KRTAP19-8: variants seen among roughly 807,000 people sequenced by gnomAD.
The protein encoded by KRTAP19-8 is keratin associated protein 19-8.
KRTAP19-8 carries 1 observed loss-of-function variant against 0.3 expected under a neutral mutation model. The observed-to-expected ratio is 3.43, with a 90% CI of 1.22 to 16.29. The LOEUF is 16.29. Among genes scored for constraint, KRTAP19-8 ranks in the 30% most tolerant of loss-of-function variants. The probability of loss-of-function intolerance (pLI) is 0.12; values close to 1 mark genes in which losing one functional copy is unlikely to be tolerated. For missense variants in KRTAP19-8, 68 were observed against 77.6 expected, an observed-to-expected ratio of 0.88 and a Z score of 0.46; for synonymous variants, 30 against 32.1, an observed-to-expected ratio of 0.94 and a Z score of 0.22.
chr21:31,038,464 G>A lies in KRTAP19-8; in HGVS notation c.-21C>T. Reference sequence around the variant, plus strand: ...CTCATGGTTCAGCAACTGTAGATGTGTTTGGAGGTCAAGGGCAAGTTTCCT... The same window carrying A: ...CTCATGGTTCAGCAACTGTAGATGTATTTGGAGGTCAAGGGCAAGTTTCCT... On this transcript the variant is annotated 5_prime_UTR_variant, in exon 1 of 1. Coordinates refer to ENST00000382822, the MANE Select transcript of KRTAP19-8 (RefSeq NM_001099219.1). 1.9e-6 allele frequency: 3 copies of A among 1,589,804 alleles called. No individual in the cohort carries two copies. Among genetic ancestry groups the A allele is most frequent in the Non-Finnish European group, 2.6e-6 (3 of 1,166,856 alleles).
At position 31,038,224 on chromosome 21, in the gene KRTAP19-8, C is replaced by G. The variant is rs759089322; in HGVS notation, c.*28G>C. 5.0e-6 allele frequency: 8 copies of G among 1,589,902 alleles called. No individual in the cohort carries two copies. Among genetic ancestry groups the G allele is most frequent in the Non-Finnish European group, 6.9e-6 (8 of 1,159,630 alleles). ...ATTAAGTCAGGATGATAGACAGATT[C>G]TAGTGATCCAAAGAATGAGTTCACT... On this transcript the variant is annotated 3_prime_UTR_variant, in exon 1 of 1. Transcript: ENST00000382822.
rs1405655142 is a variant in KRTAP19-8, at chr21:31,038,349, A to G, written c.95T>C (p.Phe32Ser). ...GYGYGCGYGSFRRLGYGCGYG... is the reference protein window; with the variant it reads ...GYGYGCGYGSSRRLGYGCGYG... Reference sequence around the variant, plus strand: ...GCCACAGCCATAGCCCAACCTGCGGAAGCTGCCATAGCCGCAGCCATAGCC... The same window carrying G: ...GCCACAGCCATAGCCCAACCTGCGGGAGCTGCCATAGCCGCAGCCATAGCC... Residue 32 changes from phenylalanine to serine, a missense_variant, in exon 1 of 1, where the codon TTC (phenylalanine) becomes TCC (serine). Physicochemically the swap from Phe to Ser is radical, Grantham distance 155. Coordinates refer to ENST00000382822, the MANE Select transcript of KRTAP19-8 (RefSeq NM_001099219.1). The G allele has an allele frequency of 6.2e-7, 1 of 1,608,078 alleles. No homozygotes were observed. Among genetic ancestry groups the G allele is most frequent in the Non-Finnish European group, 8.5e-7 (1 of 1,174,688 alleles).
chr21:31,038,178 G>A lies in KRTAP19-8; in HGVS notation c.*74C>T, dbSNP rs538657742. On this transcript the variant is annotated 3_prime_UTR_variant, in exon 1 of 1. Coordinates refer to ENST00000382822, the MANE Select transcript of KRTAP19-8 (RefSeq NM_001099219.1). ...AGTGGCTGCGCAATTCACAGAGGGG[G>A]TAAAAAGACCTGAAAGGAGAATTAA... The A allele has an allele frequency of 1.3e-3, 1,780 of 1,326,222 alleles. 35 individuals carry two copies. In the South Asian group the frequency reaches 0.02, roughly 15 times the overall value. 82.2% of individuals were successfully genotyped at this position (1,326,222 alleles called of 1,614,324 possible).
rs745733951 is a variant in KRTAP19-8 at position 31,038,366 on chromosome 21, G to A, written c.78C>T (p.Gly26=). The A allele has an allele frequency of 5.0e-6, 8 of 1,609,638 alleles. No individual in the cohort carries two copies. Among genetic ancestry groups the A allele is most frequent in the Admixed American group, 1.7e-5 (1 of 60,008 alleles). The part of the protein sequence containing the change: ...GGFGGWGYGY[G]CGYGSFRRLG... The stretch of plus-strand genomic sequence containing the variant: ...ACCTGCGGAAGCTGCCATAGCCGCA[G>A]CCATAGCCATAGCCCCAGCCACCAA... The change falls in exon 1 of 1, where the codon GGC becomes GGT. Residue 26 remains glycine, a synonymous_variant. Transcript: ENST00000382822.
At position 31,038,330 on chromosome 21, in the gene KRTAP19-8, G is replaced by T; in HGVS notation, c.114C>A (p.Gly38=). 6.2e-7 allele frequency: 1 copy of T among 1,610,548 alleles called. No individual in the cohort carries two copies. Among genetic ancestry groups the T allele is most frequent in the Non-Finnish European group, 8.5e-7 (1 of 1,176,894 alleles). ...TGAATCCATAGCCTCCGTAGCCACA[G>T]CCATAGCCCAACCTGCGGAAGCTGC... ...GYGSFRRLGY[G]CGYGGYGFSC... Residue 38 remains glycine (G), a synonymous_variant, in exon 1 of 1, where the codon GGC becomes GGA. Coordinates refer to ENST00000382822, the MANE Select transcript of KRTAP19-8 (RefSeq NM_001099219.1).
chr21:31,038,314 A>G lies in KRTAP19-8; in HGVS notation c.130T>C (p.Tyr44His), dbSNP rs1475297694. 13 of 1,612,428 alleles carry G rather than the reference A, an allele frequency of 8.1e-6. No individual in the cohort carries two copies. The highest frequency in any genetic ancestry group is 1.1e-5 in the Non-Finnish European group (13 of 1,178,502). Reference sequence around the variant, plus strand: ...AATGGTCGGCAACAGCTGAATCCATAGCCTCCGTAGCCACAGCCATAGCCC... The same window carrying G: ...AATGGTCGGCAACAGCTGAATCCATGGCCTCCGTAGCCACAGCCATAGCCC... ...RLGYGCGYGG[Y>H]GFSCCRPLYY... The change falls in exon 1 of 1, where the codon TAT becomes CAT. Residue 44 changes from tyrosine (Y) to histidine (H), a missense_variant. Coordinates refer to ENST00000382822, the MANE Select transcript of KRTAP19-8 (RefSeq NM_001099219.1).
At position 31,038,159 on chromosome 21, in the gene KRTAP19-8, T is replaced by C. The variant is rs964102539; in HGVS notation, c.*93A>G. 6.6e-6 allele frequency: 7 copies of C among 1,052,762 alleles called. No homozygotes were observed. Among genetic ancestry groups the C allele is most frequent in the African/African-American group, 6.5e-5 (4 of 61,708 alleles). The allele number at this position is 1,052,762 out of a possible 1,614,324, so 65.2% of individuals were successfully genotyped here. A position where few individuals can be genotyped will look rare whatever the true frequency, so the allele number is the denominator to read the frequency against. On this transcript the variant is annotated 3_prime_UTR_variant, in exon 1 of 1. Coordinates refer to ENST00000382822, the MANE Select transcript of KRTAP19-8 (RefSeq NM_001099219.1). ...TTGTCTGGTTTATCAAGAAAGTGGC[T>C]GCGCAATTCACAGAGGGGGTAAAAA...
At chr21:31,038,364 C>CA in the KRTAP19-8 span, 11 of 1,610,440 alleles carry the variant, frequency 6.8e-6, no homozygotes, top group Non-Finnish European at 9.3e-6. Context: ...GCCATAGCCG[C>CA]AGCCATAGCC....
chr21:31,038,237 G>C lies in KRTAP19-8; in HGVS notation c.*15C>G. On this transcript the variant is annotated 3_prime_UTR_variant, in exon 1 of 1. Transcript: ENST00000382822. ...GATAGACAGATTCTAGTGATCCAAAGAATGAGTTCACTCTTCAGTAGAAGG... is the reference window on the plus strand; with the variant it reads ...GATAGACAGATTCTAGTGATCCAAACAATGAGTTCACTCTTCAGTAGAAGG... 1.9e-6 allele frequency: 3 copies of C among 1,604,030 alleles called. No individual in the cohort carries two copies. The East Asian group carries it at 6.7e-5, about 36-fold the overall frequency.
chr21:31,038,326 C>A lies in KRTAP19-8; in HGVS notation c.118G>T (p.Gly40Cys). 1 of 1,611,690 alleles carries A rather than the reference C, an allele frequency of 6.2e-7. No individual in the cohort carries two copies. The part of the protein sequence containing the change: ...GSFRRLGYGC[G>C]YGGYGFSCCR... ...CAGCTGAATCCATAGCCTCCGTAGC[C>A]ACAGCCATAGCCCAACCTGCGGAAG... The change falls in exon 1 of 1, where the codon GGC becomes TGC. Residue 40 changes from glycine (G) to cysteine (C), a missense_variant. Physicochemically the swap from Gly to Cys is radical, Grantham distance 159. Coordinates refer to ENST00000382822, the MANE Select transcript of KRTAP19-8 (RefSeq NM_001099219.1).
In KRTAP19-8 at chr21:31,038,396, T is replaced by TCCATAG. The variant is rs1568822257; in HGVS notation, c.42_47dup (p.Tyr15_Gly16dup). 1 of 1,613,492 alleles carries TCCATAG rather than the reference T, an allele frequency of 6.2e-7. No individual in the cohort carries two copies. Among genetic ancestry groups the TCCATAG allele is most frequent in the African/African-American group, 1.3e-5 (1 of 74,966 alleles). ...AGCCATAGCCCCAGCCACCAAAGCC[T>TCCATAG]CCATAGCCATAGCCCAGGCCTCCAT... On this transcript the variant is annotated inframe_insertion, in exon 1 of 1. Coordinates refer to ENST00000382822, the MANE Select transcript of KRTAP19-8 (RefSeq NM_001099219.1).
In KRTAP19-8 at chr21:31,038,416, C is replaced by T. The variant is rs1026947648; in HGVS notation, c.28G>A (p.Gly10Ser). The T allele has an allele frequency of 2.5e-6, 4 of 1,613,974 alleles. No homozygotes were observed. Among genetic ancestry groups the T allele is most frequent in the East Asian group, 2.2e-5 (1 of 44,888 alleles). Residue 10 changes from glycine (G) to serine (S), a missense_variant, in exon 1 of 1, where the codon GGC (glycine) becomes AGC (serine). Transcript: ENST00000382822. ...AAGCCTCCATAGCCATAGCCCAGGCCTCCATAATAGCTTCTGTAGTAGCTC... is the reference window on the plus strand; with the variant it reads ...AAGCCTCCATAGCCATAGCCCAGGCTTCCATAATAGCTTCTGTAGTAGCTC... The part of the protein sequence containing the change: MSYYRSYYG[G>S]LGYGYGGFGG...
Position 31,038,300 on chromosome 21 carries a change from A to G in KRTAP19-8, c.144T>C (p.Cys48=), listed in dbSNP as rs2833198. The change falls in exon 1 of 1, where the codon TGT becomes TGC. Residue 48 remains cysteine, a synonymous_variant. Coordinates refer to ENST00000382822, the MANE Select transcript of KRTAP19-8 (RefSeq NM_001099219.1). ...GCGYGGYGFS[C]CRPLYYGGYG... is the part of the protein sequence containing the mutation. ...ATCCTCCGTAGTATAATGGTCGGCAACAGCTGAATCCATAGCCTCCGTAGC... is the reference window on the plus strand; with the variant it reads ...ATCCTCCGTAGTATAATGGTCGGCAGCAGCTGAATCCATAGCCTCCGTAGC... The G allele has an allele frequency of 0.077, 124,510 of 1,612,720 alleles. 13,774 individuals carry two copies. The highest frequency in any genetic ancestry group is 0.44 in the African/African-American group (33,167 of 74,778).
In KRTAP19-8 at chr21:31,038,314, A is replaced by C. The variant is rs1475297694; in HGVS notation, c.130T>G (p.Tyr44Asp). ...RLGYGCGYGG[Y>D]GFSCCRPLYY... ...AATGGTCGGCAACAGCTGAATCCAT[A>C]GCCTCCGTAGCCACAGCCATAGCCC... is the stretch of plus-strand genomic sequence containing the variant. The change falls in exon 1 of 1, where the codon TAT becomes GAT. Residue 44 changes from tyrosine to aspartate, a missense_variant. By Grantham distance (160) the Tyr-to-Asp change is radical. Transcript: ENST00000382822. 6.2e-7 allele frequency: 1 copy of C among 1,612,428 alleles called. No homozygotes were observed. Among genetic ancestry groups the C allele is most frequent in the South Asian group, 1.1e-5 (1 of 91,032 alleles).
At position 31,038,356 on chromosome 21, in the gene KRTAP19-8, C is replaced by T. The variant is rs1483619537; in HGVS notation, c.88G>A (p.Gly30Ser). ...CCATAGCCCAACCTGCGGAAGCTGC[C>T]ATAGCCGCAGCCATAGCCATAGCCC... ...GWGYGYGCGY[G>S]SFRRLGYGCG... is the part of the protein sequence containing the mutation. The change falls in exon 1 of 1, where the codon GGC becomes AGC. Residue 30 changes from glycine (G) to serine (S), a missense_variant. Gly to Ser is a moderately conservative substitution (Grantham distance 56). Transcript: ENST00000382822. 1 of 1,607,126 alleles carries T rather than the reference C, an allele frequency of 6.2e-7. No individual in the cohort carries two copies. Among genetic ancestry groups the T allele is most frequent in the Non-Finnish European group, 8.5e-7 (1 of 1,173,694 alleles).
chr21:31,038,344 T>C lies in KRTAP19-8; in HGVS notation c.100A>G (p.Arg34Gly), dbSNP rs752001625. ...GYGCGYGSFR[R>G]LGYGCGYGGY... ...CCGTAGCCACAGCCATAGCCCAACC[T>C]GCGGAAGCTGCCATAGCCGCAGCCA... The change falls in exon 1 of 1, where the codon AGG (arginine) becomes GGG (glycine). Residue 34 changes from arginine to glycine, a missense_variant. Transcript: ENST00000382822. 6.2e-7 allele frequency: 1 copy of C among 1,609,340 alleles called. No individual in the cohort carries two copies. The highest frequency in any genetic ancestry group is 8.5e-7 in the Non-Finnish European group (1 of 1,175,796).
In KRTAP19-8 at chr21:31,038,162, G is replaced by T; in HGVS notation, c.*90C>A. 1 of 1,094,656 alleles carries T rather than the reference G, an allele frequency of 9.1e-7. No individual in the cohort carries two copies. 67.8% of individuals were successfully genotyped at this position (1,094,656 alleles called of 1,614,324 possible). On this transcript the variant is annotated 3_prime_UTR_variant, in exon 1 of 1. Transcript: ENST00000382822. ...TCTGGTTTATCAAGAAAGTGGCTGC[G>T]CAATTCACAGAGGGGGTAAAAAGAC...
In KRTAP19-8 at chr21:31,038,356, C is replaced by G; in HGVS notation, c.88G>C (p.Gly30Arg). ...CCATAGCCCAACCTGCGGAAGCTGCCATAGCCGCAGCCATAGCCATAGCCC... is the reference window on the plus strand; with the variant it reads ...CCATAGCCCAACCTGCGGAAGCTGCGATAGCCGCAGCCATAGCCATAGCCC... ...GWGYGYGCGY[G>R]SFRRLGYGCG... The change falls in exon 1 of 1, where the codon GGC becomes CGC. Residue 30 changes from glycine (G) to arginine (R), a missense_variant. Physicochemically the swap from Gly to Arg is moderately radical, Grantham distance 125 (BLOSUM62 -2). Transcript: ENST00000382822. 2 of 1,607,126 alleles carry G rather than the reference C, an allele frequency of 1.2e-6. No homozygotes were observed. Among genetic ancestry groups the G allele is most frequent in the Non-Finnish European group, 1.7e-6 (2 of 1,173,694 alleles).
chr21:31,038,413 G>A lies in KRTAP19-8; in HGVS notation c.31C>T (p.Leu11=), dbSNP rs776098182. 2 of 1,613,862 alleles carry A rather than the reference G, an allele frequency of 1.2e-6. No individual in the cohort carries two copies. Among genetic ancestry groups the A allele is most frequent in the South Asian group, 2.2e-5 (2 of 91,072 alleles). MSYYRSYYGG[L]GYGYGGFGGW... ...CCAAAGCCTCCATAGCCATAGCCCA[G>A]GCCTCCATAATAGCTTCTGTAGTAG... is the stretch of plus-strand genomic sequence containing the variant. Residue 11 remains leucine, a synonymous_variant, in exon 1 of 1, where the codon CTG becomes TTG. Coordinates refer to ENST00000382822, the MANE Select transcript of KRTAP19-8 (RefSeq NM_001099219.1).
Sources: allele counts gnomAD v4.1 joint callset, GRCh38; gene constraint gnomAD v4.1.1; transcripts MANE v1.5; gene names NCBI Gene and HGNC (gene_info 2026-07-23, HGNC 2026-07-21).